BMP5: variants seen among roughly 807,000 people sequenced by gnomAD.
The protein encoded by BMP5 is bone morphogenetic protein 5.
In BMP5, 23 loss-of-function variants were observed where a neutral mutation model predicts 46.6. The observed-to-expected ratio is 0.49, with a 90% CI of 0.35 to 0.70. BMP5 has a LOEUF of 0.70. BMP5 is among the 30% of genes least tolerant of loss of function. The pLI, the probability that BMP5 is intolerant of heterozygous loss-of-function variation, is 0.00. For missense variants in BMP5, 545 were observed against 565.6 expected, an observed-to-expected ratio of 0.96 and a Z score of 0.37; for synonymous variants, 204 against 191.9, an observed-to-expected ratio of 1.06 and a Z score of -0.52.
At chr6:55,802,807 T>C (rs576702573) in intron 2 of BMP5, among the ~76,000 whole-genome samples, 1 of 151,468 alleles carries the variant, frequency 6.6e-6, no homozygotes, top group African/African-American at 2.4e-5. Context: ...AATAATTCTT[T>C]TTTTCCCCTT....
At chr6:55,838,211 C>A (rs1390851059) in intron 1 of BMP5, among the ~76,000 whole-genome samples, 7 of 152,162 alleles carry the variant, frequency 4.6e-5, no homozygotes, top group African/African-American at 1.7e-4. Flanking sequence ...TTTCAAGGAA[C>A]CTCCAAACTG....
At chr6:55,768,123 T>C (rs983418749) in intron 4 of BMP5, among the ~76,000 whole-genome samples, 4 of 151,956 alleles carry the variant, frequency 2.6e-5, no homozygotes, top group African/African-American at 9.7e-5. Flanking sequence ...ATATAAAACA[T>C]TCGATGGAAA....
intron 1 of BMP5, among the ~76,000 whole-genome samples, chr6:55,827,944 G>C (rs1776570429): frequency 6.6e-6 from 1 of 151,792 alleles, no homozygotes; most frequent in African/African-American, 2.4e-5. Context: ...TCAATATTTA[G>C]CTCTTACATT....
intron 1 of BMP5, among the ~76,000 whole-genome samples, chr6:55,856,758 G>A (rs56681477): frequency 0.23 from 35,491 of 151,848 alleles, 4,422 homozygotes; most frequent in Admixed American, 0.27. Flanking sequence ...CAAAAATCAT[G>A]ATTTCATACA....
At chr6:55,762,463 G>C (rs1774810865) in intron 4 of BMP5, among the ~76,000 whole-genome samples, 1 of 151,924 alleles carries the variant, frequency 6.6e-6, no homozygotes, top group Non-Finnish European at 1.5e-5. Flanking sequence ...TTTTCTTCTA[G>C]GTTATTTATT....
At chr6:55,781,286 T>C (rs772690226) in intron 3 of BMP5, among the ~76,000 whole-genome samples, 31 of 152,134 alleles carry the variant, frequency 2.0e-4, no homozygotes, top group Non-Finnish European at 4.0e-4. Context: ...ATTATGTGAC[T>C]TTTTAAAATA....
rs185995390 is a variant in BMP5 at position 55,870,962 on chromosome 6, C to A, written c.490+3414G>T. Among the ~76,000 whole-genome samples the A allele has an allele frequency of 2.5e-3, 377 of 151,912 alleles. 2 individuals are homozygous for A. The highest frequency in any genetic ancestry group is 8.5e-3 in the African/African-American group (351 of 41,484). ...CTTTTTCCAGAGGAATATGTAGATA[C>A]AAAGAATAATATAAAAGTAATTTTC... On this transcript the variant is annotated intron_variant, in intron 1 of 6. Coordinates refer to ENST00000370830, the MANE Select transcript of BMP5 (RefSeq NM_021073.4).
intron 1 of BMP5, among the ~76,000 whole-genome samples, chr6:55,849,571 G>A (rs549470282): frequency 2.8e-4 from 43 of 152,092 alleles, no homozygotes; most frequent in Admixed American, 1.3e-3. Context: ...AGCAAAAGGA[G>A]CAAACTAAAG....
chr6:55,835,034 C>T (rs1289704211), intron 1 of BMP5, among the ~76,000 whole-genome samples: 1 of 150,574 alleles, frequency 6.6e-6, no homozygotes, highest in Non-Finnish European at 1.5e-5. Context: ...TGAAGTGAGA[C>T]GAAGTTGTGC....
intron 1 of BMP5, among the ~76,000 whole-genome samples, chr6:55,851,340 C>G (rs941984551): frequency 6.6e-6 from 1 of 152,036 alleles, no homozygotes; most frequent in African/African-American, 2.4e-5. Flanking sequence ...AGTCCTATGA[C>G]AATGTCATGG....
chr6:55,801,538 T>C (rs1775849269), intron 2 of BMP5, among the ~76,000 whole-genome samples: 1 of 152,242 alleles, frequency 6.6e-6, no homozygotes. Context: ...TTTCTGACTC[T>C]GTCCTGTGGA....
At chr6:55,845,755 C>T (rs3798828) in intron 1 of BMP5, among the ~76,000 whole-genome samples, 2 of 151,876 alleles carry the variant, frequency 1.3e-5, no homozygotes, top group Non-Finnish European at 2.9e-5. Context: ...CCATGAACCC[C>T]CTGGACTCAA....
rs75754904 is a variant in BMP5, at chr6:55,845,219, C to T, written c.491-25372G>A. 2.2e-4 allele frequency among the ~76,000 whole-genome samples: 33 copies of T among 151,878 alleles called. No homozygotes were observed. In the East Asian group the frequency reaches 3.7e-3, roughly 17 times the overall value. On this transcript the variant is annotated intron_variant, in intron 1 of 6. Transcript: ENST00000370830. ...TTATAATGAGATTTAAATTTTTTGC[C>T]GAGAAATTTCAGTTTCATAACTAAT...
intron 1 of BMP5, among the ~76,000 whole-genome samples, chr6:55,864,324 C>T (rs1394341517): frequency 1.3e-5 from 2 of 152,066 alleles, no homozygotes; most frequent in African/African-American, 2.4e-5. Context: ...GTGAAAGGTG[C>T]TTGGATTATG....
chr6:55,872,550 G>A (rs989666541), intron 1 of BMP5, among the ~76,000 whole-genome samples: 1 of 151,514 alleles, frequency 6.6e-6, no homozygotes. Flanking sequence ...AGGAATCAAT[G>A]AATAAAACTA....
At chr6:55,849,970 G>A (rs1777187535) in intron 1 of BMP5, among the ~76,000 whole-genome samples, 1 of 151,990 alleles carries the variant, frequency 6.6e-6, no homozygotes, top group Admixed American at 6.6e-5. Flanking sequence ...TCTGAAACTT[G>A]TGCTTAAACA....
chr6:55,832,554 T>G (rs2127542619), intron 1 of BMP5, among the ~76,000 whole-genome samples: 1 of 152,320 alleles, frequency 6.6e-6, no homozygotes, highest in East Asian at 1.9e-4. Context: ...TAGTAATTGG[T>G]TTTACATGTA....
chr6:55,813,314 G>A (rs1241516031), intron 2 of BMP5, among the ~76,000 whole-genome samples: 1 of 151,916 alleles, frequency 6.6e-6, no homozygotes, highest in African/African-American at 2.4e-5. Context: ...AACACAGAAA[G>A]TGTTGAAGAA....
intron 3 of BMP5, among the ~76,000 whole-genome samples, chr6:55,786,525 A>G (rs1181910430): frequency 1.3e-5 from 2 of 151,284 alleles, no homozygotes; most frequent in East Asian, 3.9e-4. Context: ...ATGCACATTG[A>G]TTTAACTTGT....
Sources: allele counts gnomAD v4.1 joint callset (sites outside exome capture counted in the v4.1 genomes callset), GRCh38; gene constraint gnomAD v4.1.1; transcripts MANE v1.5; gene names NCBI Gene and HGNC (gene_info 2026-07-23, HGNC 2026-07-21).